MCPH1: variants seen among roughly 807,000 people sequenced by gnomAD.
MCPH1 encodes microcephalin 1.
Under a neutral mutation model 84.5 loss-of-function variants are expected in MCPH1, and 104 were observed. The ratio of observed to expected loss-of-function variants is 1.23; its 90% CI spans 1.05 to 1.45. The LOEUF (loss-of-function observed/expected upper bound fraction) is 1.45, where lower values mean the gene tolerates loss of function less well. Among genes scored for constraint, MCPH1 ranks in the 40% most tolerant of loss-of-function variants. The pLI, the probability that MCPH1 is intolerant of heterozygous loss-of-function variation, is 0.00. For synonymous variants in MCPH1, 514 were observed against 366.8 expected, an observed-to-expected ratio of 1.40 and a Z score of -4.58; for missense variants, 1,498 against 1,005.7, an observed-to-expected ratio of 1.49 and a Z score of -6.62.
At chr8:6,431,775 G>T (rs552320866) in intron 4 of MCPH1, among the ~76,000 whole-genome samples, 189 bp downstream of exon 4, 2 of 152,028 alleles carry the variant, frequency 1.3e-5, no homozygotes, top group Non-Finnish European at 2.9e-5. Flanking sequence ...TGACTTCTTC[G>T]ATAGCATTTG....
At chr8:6,634,437 G>A (rs1021788618) in intron 13 of MCPH1, among the ~76,000 whole-genome samples, 11 of 152,214 alleles carry the variant, frequency 7.2e-5, no homozygotes, top group Non-Finnish European at 1.6e-4. Flanking sequence ...GAAAGATGCT[G>A]ACTACAGCTG....
At chr8:6,446,950 A>G in intron 8 of MCPH1, 1 of 985,348 alleles carries the variant, frequency 1.0e-6, no homozygotes, top group Non-Finnish European at 1.2e-6. Flanking sequence ...AGTTGACTCA[A>G]GGCACCCTGG....
intron 12 of MCPH1, among the ~76,000 whole-genome samples, chr8:6,540,678 G>C (rs1821389445): frequency 6.6e-6 from 1 of 152,402 alleles, no homozygotes. Context: ...GTGTGTATGT[G>C]TGTGTACCTC....
intron 9 of MCPH1, among the ~76,000 whole-genome samples, chr8:6,474,475 T>C (rs2129558981): frequency 6.6e-6 from 1 of 151,898 alleles, no homozygotes; most frequent in East Asian, 1.9e-4. Flanking sequence ...AAAAAAAAAA[T>C]TGCACCACTG....
intron 12 of MCPH1, chr8:6,519,988 T>A: frequency 1.2e-6 from 2 of 1,613,366 alleles, no homozygotes. Flanking sequence ...AGTGGGGTCC[T>A]TAGCTGCTTT....
At chr8:6,529,767 C>T (rs1463245709) in intron 12 of MCPH1, among the ~76,000 whole-genome samples, 1 of 151,714 alleles carries the variant, frequency 6.6e-6, no homozygotes, top group African/African-American at 2.4e-5. Flanking sequence ...GCTCAGCTGG[C>T]TCAGCCATTT....
chr8:6,503,331 C>A, intron 12 of MCPH1: 1 of 1,560,042 alleles, frequency 6.4e-7, no homozygotes, highest in Non-Finnish European at 8.8e-7. Context: ...GACAGCAATA[C>A]TCAGCTAAGG....
intron 13 of MCPH1, among the ~76,000 whole-genome samples, chr8:6,637,304 G>A (rs1054547113): frequency 6.6e-6 from 1 of 152,204 alleles, no homozygotes; most frequent in Non-Finnish European, 1.5e-5. Flanking sequence ...AGTATAGAGA[G>A]GAGGAGTGAG....
intron 12 of MCPH1, among the ~76,000 whole-genome samples, chr8:6,591,305 T>C (rs1828434042): frequency 6.6e-6 from 1 of 152,236 alleles, no homozygotes; most frequent in Non-Finnish European, 1.5e-5. Context: ...CTACTTATTG[T>C]GGTTTTGGCT....
At chr8:6,496,113 A>T (rs1811192430) in intron 11 of MCPH1, among the ~76,000 whole-genome samples, 1 of 152,014 alleles carries the variant, frequency 6.6e-6, no homozygotes, top group Non-Finnish European at 1.5e-5. Context: ...TAATTATACA[A>T]CTCACTGTAA....
Position 6,644,650 on chromosome 8 carries a change from A to G in MCPH1, c.*1601A>G, listed in dbSNP as rs961137354. On this transcript the variant is annotated 3_prime_UTR_variant, in exon 14 of 14. Transcript: ENST00000344683. ...ACCAAGGAGGCAAAGGATCTCTACA[A>G]GGAGAACCATAAACGAGATGCTGAG... 1.3e-5 allele frequency: 2 copies of G among 152,196 alleles called. No individual in the cohort carries two copies. The highest frequency in any genetic ancestry group is 4.8e-5 in the African/African-American group (2 of 41,456). The allele number at this position is 152,196 out of a possible 1,614,324, so 9.4% of individuals were successfully genotyped here. A position where few individuals can be genotyped will look rare whatever the true frequency, so the allele number is the denominator to read the frequency against.
At chr8:6,627,118 C>T in intron 13 of MCPH1, 6 of 985,030 alleles carry the variant, frequency 6.1e-6, no homozygotes, top group Non-Finnish European at 7.2e-6. Context: ...GCTGGCCTGG[C>T]TCATTCATCG....
intron 13 of MCPH1, among the ~76,000 whole-genome samples, chr8:6,634,450 G>A (rs1035493556): frequency 1.3e-5 from 2 of 152,142 alleles, no homozygotes; most frequent in African/African-American, 4.8e-5. Context: ...TACAGCTGAC[G>A]GGACAGCCCC....
At chr8:6,595,551 C>T (rs1828855775) in intron 12 of MCPH1, among the ~76,000 whole-genome samples, 1 of 152,214 alleles carries the variant, frequency 6.6e-6, no homozygotes, top group African/African-American at 2.4e-5. Flanking sequence ...GATGAACTGG[C>T]AGGTGGGCTT....
At chr8:6,435,212 A>G (rs1273646040) in intron 4 of MCPH1, among the ~76,000 whole-genome samples, 1 of 152,138 alleles carries the variant, frequency 6.6e-6, no homozygotes, top group Non-Finnish European at 1.5e-5. Flanking sequence ...TATAAAATAG[A>G]AATTGTTTTA....
rs1026475012 is a variant in MCPH1, at chr8:6,646,612, T to C, written c.*3563T>C. ...TAGCTCAACGTGGACTATATCAGGGTTTCTCAACATCAGCAGTGTTGGCGT... is the reference window on the plus strand; with the variant it reads ...TAGCTCAACGTGGACTATATCAGGGCTTCTCAACATCAGCAGTGTTGGCGT... On this transcript the variant is annotated 3_prime_UTR_variant, in exon 14 of 14. Transcript: ENST00000344683. 2 of 152,164 alleles carry C rather than the reference T, an allele frequency of 1.3e-5. No individual in the cohort carries two copies. Among genetic ancestry groups the C allele is most frequent in the African/African-American group, 4.8e-5 (2 of 41,436 alleles). 9.4% of individuals were successfully genotyped at this position (152,164 alleles called of 1,614,324 possible).
intron 12 of MCPH1, among the ~76,000 whole-genome samples, chr8:6,551,065 G>A (rs955955300): frequency 6.6e-6 from 1 of 152,210 alleles, no homozygotes; most frequent in Admixed American, 6.5e-5. Flanking sequence ...AGGGGTAAGT[G>A]TGCTAGGTAA....
intron 11 of MCPH1, 122 bp downstream of exon 11, chr8:6,480,998 G>C: frequency 8.4e-7 from 1 of 1,193,918 alleles, no homozygotes; most frequent in Non-Finnish European, 1.2e-6. Flanking sequence ...ACACTTTCCT[G>C]TGAGCTGGGA....
At chr8:6,532,133 G>A (rs1003171342) in intron 12 of MCPH1, among the ~76,000 whole-genome samples, 1 of 152,124 alleles carries the variant, frequency 6.6e-6, no homozygotes, top group African/African-American at 2.4e-5. Flanking sequence ...TTTAACCTCA[G>A]TATTAAAAAC....
Sources: gnomAD v4.1 joint callset for allele counts (sites outside exome capture counted in the v4.1 genomes callset) on GRCh38, gnomAD v4.1.1 for gene constraint, MANE v1.5 for transcripts, NCBI Gene and HGNC (gene_info 2026-07-23, HGNC 2026-07-21) for gene names.